Variants in STAG1 observed in about 807,000 individuals in gnomAD.
The protein encoded by STAG1 is cohesin subunit SA-1.
STAG1 carries 26 observed loss-of-function variants against 170.9 expected under a neutral mutation model. The ratio of observed to expected loss-of-function variants is 0.15; its 90% CI spans 0.11 to 0.21. The LOEUF is 0.21. Ranked by LOEUF, STAG1 falls within the 10% of genes least tolerant of loss-of-function variation. The probability of loss-of-function intolerance (pLI) is 1.00; values close to 1 mark genes in which losing one functional copy is unlikely to be tolerated. For missense variants in STAG1, 964 were observed against 1,509.5 expected, an observed-to-expected ratio of 0.64 and a Z score of 5.99; for synonymous variants, 514 against 497.7, an observed-to-expected ratio of 1.03 and a Z score of -0.44.
chr3:136,729,553 C>T (rs1293163595), intron 1 of STAG1, among the ~76,000 whole-genome samples: 1 of 148,030 alleles, frequency 6.8e-6, no homozygotes, highest in Non-Finnish European at 1.5e-5. Context: ...GAAATATCTA[C>T]AACATCTGTA....
chr3:136,564,436 G>A (rs1350160885), intron 5 of STAG1, among the ~76,000 whole-genome samples: 1 of 152,150 alleles, frequency 6.6e-6, no homozygotes, highest in Non-Finnish European at 1.5e-5. Context: ...AATCTGATAG[G>A]TAAAAAGAAA....
At chr3:136,582,889 T>C (rs1937622315) in intron 4 of STAG1, among the ~76,000 whole-genome samples, 1 of 152,202 alleles carries the variant, frequency 6.6e-6, no homozygotes, top group African/African-American at 2.4e-5. Context: ...ACTTGAGAGA[T>C]GAGCAAAGGG....
chr3:136,723,277 AG>A (rs1324211820), intron 1 of STAG1, among the ~76,000 whole-genome samples: 1 of 140,298 alleles, frequency 7.1e-6, no homozygotes, highest in African/African-American at 2.7e-5. Flanking sequence ...CATCCCATCT[AG>A]GAAGTGAGGA....
chr3:136,702,115 GA>G (rs1943092755), intron 1 of STAG1, among the ~76,000 whole-genome samples: 38 of 66,404 alleles, frequency 5.7e-4, no homozygotes, highest in Non-Finnish European at 1.3e-3. Context: ...GAGAGAGAGA[GA>G]GAGAGACAGA....
chr3:136,656,617 T>TGTGTGTGTGTGTGTGTGTGTGTG (rs1941381695), intron 1 of STAG1, among the ~76,000 whole-genome samples: 3 of 143,392 alleles, frequency 2.1e-5, no homozygotes, highest in East Asian at 2.0e-4. Flanking sequence ...CTGTATTTAT[T>TGTGTGTGTGTGTGTGTGTGTGTG]TGTGTGTGTG....
chr3:136,533,676 C>T (rs1252408881), intron 6 of STAG1, among the ~76,000 whole-genome samples: 4 of 152,152 alleles, frequency 2.6e-5, no homozygotes, highest in Admixed American at 6.6e-5. Flanking sequence ...GATACCAAGC[C>T]ACTCACGAGG....
At chr3:136,541,538 TCACACACACACACACACACACA>T (rs59155124) in intron 6 of STAG1, among the ~76,000 whole-genome samples, 9 of 123,122 alleles carry the variant, frequency 7.3e-5, no homozygotes, top group South Asian at 2.8e-4. Flanking sequence ...AGCTTAACAT[TCACACACACACACACACACACA>T]CACACACACA....
chr3:136,694,806 G>A (rs1942833850), intron 1 of STAG1, among the ~76,000 whole-genome samples: 1 of 152,114 alleles, frequency 6.6e-6, no homozygotes, highest in South Asian at 2.1e-4. Flanking sequence ...ATAATAAAGG[G>A]AAAAGTTTTT....
At chr3:136,533,362 T>C (rs1005409452) in intron 6 of STAG1, among the ~76,000 whole-genome samples, 38 of 152,128 alleles carry the variant, frequency 2.5e-4, no homozygotes, top group South Asian at 2.1e-4. Context: ...GTAAAATGAC[T>C]GTGTCGCCTT....
intron 10 of STAG1, among the ~76,000 whole-genome samples, chr3:136,474,951 C>A (rs1226688181): frequency 6.6e-6 from 1 of 152,030 alleles, no homozygotes; most frequent in Non-Finnish European, 1.5e-5. Flanking sequence ...AGGCCCATAG[C>A]CAGTAAAGAA....
intron 9 of STAG1, among the ~76,000 whole-genome samples, chr3:136,492,347 C>T (rs1227699419): frequency 2.0e-5 from 3 of 152,148 alleles, no homozygotes; most frequent in Non-Finnish European, 4.4e-5. Context: ...AATTAAATAA[C>T]TGTTGTTTCT....
chr3:136,615,450 A>T (rs1019579564), intron 3 of STAG1, among the ~76,000 whole-genome samples: 4 of 148,822 alleles, frequency 2.7e-5, no homozygotes, highest in Non-Finnish European at 4.4e-5. Flanking sequence ...AAAAAAAAAA[A>T]AGGAGTGGGG....
At chr3:136,683,511 G>A (rs997432082) in intron 1 of STAG1, among the ~76,000 whole-genome samples, 2 of 152,060 alleles carry the variant, frequency 1.3e-5, no homozygotes, top group African/African-American at 4.8e-5. Context: ...TGATCCACCA[G>A]CCTCGGCCTC....
At chr3:136,614,757 G>A (rs1011211880) in intron 3 of STAG1, among the ~76,000 whole-genome samples, 1 of 152,202 alleles carries the variant, frequency 6.6e-6, no homozygotes, top group African/African-American at 2.4e-5. Flanking sequence ...GTTGCAGTAT[G>A]AATGTGCAAT....
intron 14 of STAG1, among the ~76,000 whole-genome samples, chr3:136,444,782 T>TATTG (rs2088728998): frequency 6.6e-6 from 1 of 152,234 alleles, no homozygotes; most frequent in Admixed American, 6.5e-5. Context: ...GGTTATCTAC[T>TATTG]GTTATCTTGG....
intron 28 of STAG1, among the ~76,000 whole-genome samples, chr3:136,350,094 C>T (rs977185009): frequency 6.6e-6 from 1 of 152,012 alleles, no homozygotes; most frequent in Non-Finnish European, 1.5e-5. Context: ...AAGCCAAGAC[C>T]GTGCCACTGC....
intron 1 of STAG1, among the ~76,000 whole-genome samples, chr3:136,717,594 G>A (rs549051366): frequency 1.3e-5 from 2 of 152,294 alleles, no homozygotes; most frequent in East Asian, 1.9e-4. Flanking sequence ...CACCCAGGAG[G>A]TGGAGGGTGC....
chr3:136,538,995 G>T (rs369038139), intron 6 of STAG1, among the ~76,000 whole-genome samples: 2 of 152,124 alleles, frequency 1.3e-5, no homozygotes, highest in South Asian at 4.2e-4. Context: ...TTAGCCCAGC[G>T]TAGCGGCAGG....
At chr3:136,700,162 C>T (rs1943009608) in intron 1 of STAG1, among the ~76,000 whole-genome samples, 1 of 148,460 alleles carries the variant, frequency 6.7e-6, no homozygotes, top group Non-Finnish European at 1.5e-5. Context: ...TTTTCATATA[C>T]CTCCCAAATT....
Sources: gnomAD v4.1 joint callset for allele counts (sites outside exome capture counted in the v4.1 genomes callset) on GRCh38, gnomAD v4.1.1 for gene constraint, MANE v1.5 for transcripts, NCBI Gene and HGNC (gene_info 2026-07-23, HGNC 2026-07-21) for gene names.